Variants in YARS1 observed in about 807,000 individuals in gnomAD.
The protein encoded by YARS1 is tyrosine--tRNA ligase, cytoplasmic.
Under a neutral mutation model 62.2 loss-of-function variants are expected in YARS1, and 36 were observed. The ratio of observed to expected loss-of-function variants is 0.58; its 90% CI spans 0.44 to 0.76. The LOEUF (loss-of-function observed/expected upper bound fraction) is 0.76. Ranked by LOEUF, YARS1 falls within the 30% of genes least tolerant of loss-of-function variation. The pLI is 0.00. For synonymous variants in YARS1, 234 were observed against 244.9 expected (o/e 0.96, Z 0.42); for missense variants, 524 against 639.8 (o/e 0.82, Z 1.95).
chr1:32,784,913 G>A (rs534212240), intron 8 of YARS1, among the ~76,000 whole-genome samples: 8 of 152,152 alleles, frequency 5.3e-5, no homozygotes, highest in Non-Finnish European at 1.2e-4. Context: ...TTTTGTTCAA[G>A]TGTCTGTTGA....
intron 1 of YARS1, among the ~76,000 whole-genome samples, chr1:32,812,868 T>TTA (rs1423633044): frequency 8.0e-5 from 12 of 150,424 alleles, no homozygotes; most frequent in African/African-American, 2.9e-4. Context: ...CTCGGGAGGC[T>TTA]GAGGCAGGAG....
chr1:32,792,176 G>A (rs1275278661), intron 5 of YARS1, among the ~76,000 whole-genome samples: 1 of 152,176 alleles, frequency 6.6e-6, no homozygotes, highest in Non-Finnish European at 1.5e-5. Flanking sequence ...AGGCTGCACA[G>A]TATTGGGGAG....
intron 5 of YARS1, among the ~76,000 whole-genome samples, chr1:32,792,836 C>T (rs936692578): frequency 1.3e-4 from 19 of 150,872 alleles, no homozygotes; most frequent in Admixed American, 6.6e-5. Context: ...GCTGAGATTG[C>T]GCCACTGCAC....
Position 32,775,643 on chromosome 1 carries a change from G to A in YARS1, c.*338C>T, listed in dbSNP as rs1652829474. On this transcript the variant is annotated 3_prime_UTR_variant, in exon 13 of 13. Transcript: ENST00000373477. ...TGCTTGGATAACTCCAAGAAAACCTGGGCACCAGTATTTTTCCAATTATAA... is the reference window on the plus strand; with the variant it reads ...TGCTTGGATAACTCCAAGAAAACCTAGGCACCAGTATTTTTCCAATTATAA... 2.7e-5 allele frequency: 8 copies of A among 301,584 alleles called. No individual in the cohort carries two copies. The South Asian group carries it at 3.4e-4, about 13-fold the overall frequency. The allele number at this position is 301,584 out of a possible 1,614,324, so 18.7% of individuals were successfully genotyped here.
chr1:32,796,898 G>C (rs1653600413), intron 5 of YARS1, among the ~76,000 whole-genome samples: 1 of 140,110 alleles, frequency 7.1e-6, no homozygotes. Context: ...CCGGGAGGTG[G>C]AGGTTGCAGT....
chr1:32,776,335 C>T lies in YARS1; in HGVS notation c.1477-244G>A, dbSNP rs964998001. Among the ~76,000 whole-genome samples, 15 of 152,024 alleles carry T rather than the reference C, an allele frequency of 9.9e-5. No individual in the cohort carries two copies. The highest frequency in any genetic ancestry group is 3.4e-4 in the African/African-American group (14 of 41,410). On this transcript the variant is annotated intron_variant, in intron 12 of 12. Coordinates refer to ENST00000373477, the MANE Select transcript of YARS1 (RefSeq NM_003680.4). The surrounding 1 kb of genome is among the most constrained non-coding windows in gnomAD (Gnocchi z 4.0). ...ACTAATTTTGTACTTTTAGTAGACA[C>T]GGGGTTTCTCCATGTTGGTCAGGCT...
At chr1:32,808,228 T>C (rs1638506719) in intron 3 of YARS1, among the ~76,000 whole-genome samples, 1 of 151,400 alleles carries the variant, frequency 6.6e-6, no homozygotes, top group Non-Finnish European at 1.5e-5. Flanking sequence ...ACCATTTTTT[T>C]TTTTTTTTTG....
chr1:32,793,131 CAAAGT>C (rs1260845092), intron 5 of YARS1, among the ~76,000 whole-genome samples: 1 of 151,854 alleles, frequency 6.6e-6, no homozygotes, highest in East Asian at 1.9e-4. Flanking sequence ...AGAACATATC[CAAAGT>C]AAAGCACAGA....
intron 5 of YARS1, among the ~76,000 whole-genome samples, chr1:32,792,526 A>G (rs552621055): frequency 4.6e-5 from 7 of 152,098 alleles, no homozygotes; most frequent in Admixed American, 6.6e-5. Context: ...TAGCCAATAG[A>G]AGCAGATTCA....
At chr1:32,789,519 A>G (rs1395449115) in intron 6 of YARS1, among the ~76,000 whole-genome samples, 1 of 152,002 alleles carries the variant, frequency 6.6e-6, no homozygotes, top group African/African-American at 2.4e-5. Flanking sequence ...ATGTGACAGT[A>G]TATGAATCAC....
intron 12 of YARS1, among the ~76,000 whole-genome samples, chr1:32,777,222 T>C (rs1356855129): frequency 6.6e-6 from 1 of 150,766 alleles, no homozygotes; most frequent in Non-Finnish European, 1.5e-5. Context: ...AGAGACGGGG[T>C]TTCTCTATGT....
At chr1:32,804,285 G>C (rs554380029) in intron 4 of YARS1, among the ~76,000 whole-genome samples, 1 of 152,302 alleles carries the variant, frequency 6.6e-6, no homozygotes, top group Non-Finnish European at 1.5e-5. Context: ...CCGCCGGGCA[G>C]AGGGGCTCCT....
Position 32,779,535 on chromosome 1 carries a change from C to A in YARS1, c.1335-12G>T, listed in dbSNP as rs1173362858. The A allele has an allele frequency of 3.1e-6, 5 of 1,614,028 alleles. No individual in the cohort carries two copies. The East Asian group carries it at 1.1e-4, about 36-fold the overall frequency. On this transcript the variant is annotated splice_polypyrimidine_tract_variant and intron_variant, in intron 11 of 12. Transcript: ENST00000373477. ...GGTTTATCCCTTCTCTGGGAAGACA[C>A]AGGACAAGAGAAGAGTGAGGCTATG...
chr1:32,790,163 G>A (rs1436738246), intron 6 of YARS1, among the ~76,000 whole-genome samples: 3 of 147,342 alleles, frequency 2.0e-5, no homozygotes, highest in South Asian at 4.3e-4. Context: ...GATTACAGGC[G>A]TGAGCCACCA....
rs981517291 is a variant in YARS1, at chr1:32,775,821, G to T, written c.*160C>A. The T allele has an allele frequency of 7.3e-6, 5 of 687,280 alleles. No homozygotes were observed. The highest frequency in any genetic ancestry group is 2.2e-5 in the Admixed American group (1 of 45,838). The allele number at this position is 687,280 out of a possible 1,614,324, so 42.6% of individuals were successfully genotyped here. A position where few individuals can be genotyped will look rare whatever the true frequency, so the allele number is the denominator to read the frequency against. ...CCAGACAGGATGATCCTGGGTTCTG[G>T]GGAGGGTAAGCTGCCCCTTGCCGAG... On this transcript the variant is annotated 3_prime_UTR_variant, in exon 13 of 13. Transcript: ENST00000373477.
intron 5 of YARS1, among the ~76,000 whole-genome samples, chr1:32,795,162 A>C (rs939441275): frequency 6.6e-6 from 1 of 151,590 alleles, no homozygotes; most frequent in Non-Finnish European, 1.5e-5. Flanking sequence ...TATTAAAAAT[A>C]CAAAAAATTA....
At chr1:32,813,743 T>C (rs1350267755) in intron 1 of YARS1, among the ~76,000 whole-genome samples, 1 of 152,242 alleles carries the variant, frequency 6.6e-6, no homozygotes, top group Non-Finnish European at 1.5e-5. Context: ...TTTAATTCCA[T>C]ACTACATCAT....
intron 1 of YARS1, among the ~76,000 whole-genome samples, chr1:32,812,003 C>T (rs1466615348): frequency 1.3e-5 from 2 of 152,226 alleles, no homozygotes; most frequent in Non-Finnish European, 1.5e-5. Context: ...TCATTATACC[C>T]TTCTCCCTTT....
chr1:32,785,577 TTTTCC>T (rs1653198411), intron 8 of YARS1, among the ~76,000 whole-genome samples: 1 of 151,980 alleles, frequency 6.6e-6, no homozygotes, highest in African/African-American at 2.4e-5. Flanking sequence ...TTTTCTTTTC[TTTTCC>T]TTTCTTTTTT....
Sources: gnomAD v4.1 joint callset for allele counts (sites outside exome capture counted in the v4.1 genomes callset) on GRCh38, gnomAD v4.1.1 for gene constraint, Gnocchi (gnomAD v3.1) non-coding constraint, MANE v1.5 for transcripts, NCBI Gene and HGNC (gene_info 2026-07-23, HGNC 2026-07-21) for gene names.